The following PRICKLE2 variants were observed in gnomAD, a reference collection of about 807,000 sequenced individuals.
PRICKLE2 encodes the protein prickle planar cell polarity protein 2, also known as prickle-like protein 2.
A neutral mutation model predicts 81.4 loss-of-function variants in PRICKLE2; 21 were observed. The observed-to-expected ratio is 0.26, with a 90% CI of 0.18 to 0.37. PRICKLE2 has a LOEUF of 0.37. PRICKLE2 is among the 10% of genes least tolerant of loss of function. The probability of loss-of-function intolerance (pLI) is 1.00; values close to 1 mark genes in which losing one functional copy is unlikely to be tolerated. For missense variants in PRICKLE2, 940 were observed against 1,109.0 expected (o/e 0.85, Z 2.16); for synonymous variants, 456 against 421.5 (o/e 1.08, Z -1.00).
intron 2 of PRICKLE2, among the ~76,000 whole-genome samples, chr3:64,257,638 G>A (rs1245757324): frequency 6.6e-6 from 1 of 152,206 alleles, no homozygotes; most frequent in African/African-American, 2.4e-5. Flanking sequence ...CAAGGGGAAA[G>A]TCTTATGGAA....
chr3:64,126,999 G>A (rs2077119005), intron 7 of PRICKLE2, among the ~76,000 whole-genome samples: 1 of 152,162 alleles, frequency 6.6e-6, no homozygotes, highest in Admixed American at 6.5e-5. Context: ...TGCCTACTAT[G>A]CATCAGGCAG....
intron 7 of PRICKLE2, among the ~76,000 whole-genome samples, chr3:64,113,670 A>G (rs950023019): frequency 5.9e-5 from 9 of 152,036 alleles, no homozygotes; most frequent in African/African-American, 1.9e-4. Flanking sequence ...CCCAGCCACC[A>G]CTGCAGATGG....
At chr3:64,176,747 C>T (rs1413961522) in intron 2 of PRICKLE2, among the ~76,000 whole-genome samples, 1 of 152,200 alleles carries the variant, frequency 6.6e-6, no homozygotes, top group Non-Finnish European at 1.5e-5. Context: ...TGAAGGAACT[C>T]ACTTATACAT....
intron 2 of PRICKLE2, among the ~76,000 whole-genome samples, chr3:64,241,479 G>T (rs1298697629): frequency 6.6e-6 from 1 of 152,160 alleles, no homozygotes; most frequent in Admixed American, 6.5e-5. Flanking sequence ...AAGTAACATG[G>T]TTATGTACTT....
At chr3:64,253,740 A>G (rs1016527815) in intron 2 of PRICKLE2, among the ~76,000 whole-genome samples, 1 of 152,076 alleles carries the variant, frequency 6.6e-6, no homozygotes, top group Non-Finnish European at 1.5e-5. Flanking sequence ...AGAAGGGGGA[A>G]GAAATTCAAG....
At chr3:64,219,331 A>T (rs920373718) in intron 1 of PRICKLE2, among the ~76,000 whole-genome samples, 5 of 152,194 alleles carry the variant, frequency 3.3e-5, no homozygotes, top group African/African-American at 4.8e-5. Context: ...GGAAACATAC[A>T]TTTTAGTTAG....
chr3:64,153,091 A>C, intron 6 of PRICKLE2, 91 bp downstream of exon 6: 1 of 1,239,208 alleles, frequency 8.1e-7, no homozygotes, highest in South Asian at 1.2e-5. Context: ...TTGGGTTTCT[A>C]ACACTTGCAA....
chr3:64,149,681 C>T (rs2077512808), intron 6 of PRICKLE2, among the ~76,000 whole-genome samples: 1 of 152,168 alleles, frequency 6.6e-6, no homozygotes, highest in African/African-American at 2.4e-5. Flanking sequence ...AGGCAATGAA[C>T]CAGAAATTAG....
chr3:64,199,096 G>A (rs1215460740), intron 1 of PRICKLE2, 129 bp from the exon 2 acceptor site: 1 of 790,246 alleles, frequency 1.3e-6, no homozygotes, highest in East Asian at 2.7e-5. Flanking sequence ...TCGGGCAAAG[G>A]CATCGCGAGC....
chr3:64,136,697 C>A (rs924069557), intron 7 of PRICKLE2, among the ~76,000 whole-genome samples: 4 of 151,918 alleles, frequency 2.6e-5, no homozygotes, highest in Non-Finnish European at 4.4e-5. Context: ...TCTCATATGA[C>A]CACTAGAACA....
Position 64,093,554 on chromosome 3 carries a change from T to C in PRICKLE2, c.*5497A>G, listed in dbSNP as rs529974202. ...TTATTTTTAATAACTGCCATCCTAA[T>C]GGTTGTGATGGGAGACATTTTTAGT... On this transcript the variant is annotated 3_prime_UTR_variant, in exon 8 of 8. Coordinates refer to ENST00000638394, the MANE Select transcript of PRICKLE2 (RefSeq NM_198859.4). The C allele has an allele frequency of 6.6e-6, 1 of 152,290 alleles. No homozygotes were observed. Among genetic ancestry groups the C allele is most frequent in the African/African-American group, 2.4e-5 (1 of 41,548 alleles). 9.4% of individuals were successfully genotyped at this position (152,290 alleles called of 1,614,324 possible).
intron 5 of PRICKLE2, among the ~76,000 whole-genome samples, chr3:64,155,263 C>A (rs1271933027): frequency 1.4e-5 from 2 of 146,402 alleles, no homozygotes; most frequent in Non-Finnish European, 3.0e-5. Context: ...ACACAAATAT[C>A]TAATAAACAC....
Position 64,157,152 on chromosome 3 carries a change from T to C in PRICKLE2, c.600+10A>G. On this transcript the variant is annotated intron_variant, in intron 5 of 7. Transcript: ENST00000638394. ...GATGGGCAGGTAAACCTGCTGGAGT[T>C]TGCTCTAACCTCATCGCAGGCAGCA... 6.2e-7 allele frequency: 1 copy of C among 1,613,532 alleles called. No individual in the cohort carries two copies. The highest frequency in any genetic ancestry group is 8.5e-7 in the Non-Finnish European group (1 of 1,179,476).
At chr3:64,213,780 C>T (rs1324987448) in intron 1 of PRICKLE2, among the ~76,000 whole-genome samples, 1 of 152,150 alleles carries the variant, frequency 6.6e-6, no homozygotes, top group Non-Finnish European at 1.5e-5. Flanking sequence ...CCTCAAACCA[C>T]ACTATGAGAA....
chr3:64,215,650 A>G (rs2078860227), intron 1 of PRICKLE2, among the ~76,000 whole-genome samples: 1 of 152,214 alleles, frequency 6.6e-6, no homozygotes, highest in Non-Finnish European at 1.5e-5. Flanking sequence ...AATGATGTCA[A>G]AAATGTAGAA....
Position 64,198,962 on chromosome 3 carries a change from A to G in PRICKLE2, c.-35T>C. The G allele has an allele frequency of 1.2e-6, 2 of 1,613,798 alleles. No homozygotes were observed. The highest frequency in any genetic ancestry group is 1.7e-6 in the Non-Finnish European group (2 of 1,180,014). Reference sequence around the variant, plus strand: ...CTGGGGACACTTGCAGTGCAGGCAGATCTTCCTGCAGGCAGTAAAGGTAGA... The same window carrying G: ...CTGGGGACACTTGCAGTGCAGGCAGGTCTTCCTGCAGGCAGTAAAGGTAGA... On this transcript the variant is annotated 5_prime_UTR_variant, in exon 2 of 8. Transcript: ENST00000638394.
chr3:64,139,287 C>T lies in PRICKLE2; in HGVS notation c.1660+7543G>A, dbSNP rs534928142. 2.6e-5 allele frequency among the ~76,000 whole-genome samples: 4 copies of T among 152,344 alleles called. No homozygotes were observed. In the South Asian group the frequency reaches 8.3e-4, roughly 32 times the overall value. On this transcript the variant is annotated intron_variant, in intron 7 of 7. Transcript: ENST00000638394. The stretch of plus-strand genomic sequence containing the variant: ...TCTCCACTTATTCAGGCCAATAAAA[C>T]ATGCACTTGCATTTGATGCTGGCCT...
At chr3:64,150,879 C>T (rs974299391) in intron 6 of PRICKLE2, among the ~76,000 whole-genome samples, 15 of 152,172 alleles carry the variant, frequency 9.9e-5, no homozygotes, top group South Asian at 2.1e-4. Flanking sequence ...ACGTGGTCCC[C>T]GATAAACATC....
chr3:64,137,997 C>A (rs1035850114), intron 7 of PRICKLE2, among the ~76,000 whole-genome samples: 3 of 152,184 alleles, frequency 2.0e-5, no homozygotes, highest in Non-Finnish European at 2.9e-5. Context: ...GGCCACACCC[C>A]AAAGACCAGA....
Sources: allele counts gnomAD v4.1 joint callset (sites outside exome capture counted in the v4.1 genomes callset), GRCh38; gene constraint gnomAD v4.1.1; transcripts MANE v1.5; gene names NCBI Gene and HGNC (gene_info 2026-07-23, HGNC 2026-07-21).